KHDRBS2: variants seen among roughly 807,000 people sequenced by gnomAD.
KHDRBS2 encodes KH RNA binding domain containing, signal transduction associated 2.
In KHDRBS2, 26 loss-of-function variants were observed where a neutral mutation model predicts 44.3. The ratio of observed to expected loss-of-function variants is 0.59; its 90% CI spans 0.43 to 0.81. The LOEUF is 0.81. KHDRBS2 is among the 40% of genes least tolerant of loss of function. The probability of loss-of-function intolerance (pLI) is 0.00; values close to 1 mark genes in which losing one functional copy is unlikely to be tolerated. For synonymous variants in KHDRBS2, 194 were observed against 151.1 expected (o/e 1.28, Z -2.08); for missense variants, 476 against 433.1 (o/e 1.10, Z -0.88).
intron 8 of KHDRBS2, among the ~76,000 whole-genome samples, chr6:61,695,747 G>A (rs183505973): frequency 7.9e-5 from 12 of 152,186 alleles, no homozygotes; most frequent in Admixed American, 5.2e-4. Context: ...AGCAATAATT[G>A]TGGTGGTGGC....
At chr6:62,120,172 C>G (rs1807273363) in intron 2 of KHDRBS2, among the ~76,000 whole-genome samples, 1 of 152,024 alleles carries the variant, frequency 6.6e-6, no homozygotes, top group Admixed American at 6.6e-5. Flanking sequence ...GCTTGGTTAG[C>G]TGAAATAGGA....
chr6:61,793,923 A>C (rs1784971544), intron 6 of KHDRBS2, among the ~76,000 whole-genome samples: 1 of 152,156 alleles, frequency 6.6e-6, no homozygotes, highest in Non-Finnish European at 1.5e-5. Context: ...TATGATAAGA[A>C]CAGTTCAGAT....
intron 1 of KHDRBS2, among the ~76,000 whole-genome samples, chr6:62,182,991 A>G (rs1028404461): frequency 6.6e-6 from 1 of 151,832 alleles, no homozygotes; most frequent in Non-Finnish European, 1.5e-5. Flanking sequence ...TCCTGCAACA[A>G]AATTCATACT....
chr6:62,244,500 T>C (rs143805017), intron 1 of KHDRBS2, among the ~76,000 whole-genome samples: 225 of 152,242 alleles, frequency 1.5e-3, no homozygotes, highest in African/African-American at 5.3e-3. Context: ...AGAAAGCACA[T>C]GGCTATTGTC....
chr6:61,670,439 A>G, the KHDRBS2 span, among the ~76,000 whole-genome samples: 4 of 151,468 alleles, frequency 2.6e-5, no homozygotes, highest in African/African-American at 9.7e-5. Flanking sequence ...ATAAATTCTA[A>G]ATAATTATTT....
intron 6 of KHDRBS2, among the ~76,000 whole-genome samples, chr6:61,889,608 G>A (rs114342606): frequency 6.8e-6 from 1 of 146,962 alleles, no homozygotes; most frequent in South Asian, 2.4e-4. Context: ...GGGTGGGTGG[G>A]GGGGCAATGC....
At chr6:61,726,797 C>T (rs570552057) in intron 7 of KHDRBS2, among the ~76,000 whole-genome samples, 1 of 152,218 alleles carries the variant, frequency 6.6e-6, no homozygotes, top group African/African-American at 2.4e-5. Flanking sequence ...GAAAAACATT[C>T]CATGCTTATG....
At chr6:61,749,557 C>T (rs1777363512) in intron 6 of KHDRBS2, among the ~76,000 whole-genome samples, 2 of 152,092 alleles carry the variant, frequency 1.3e-5, no homozygotes, top group South Asian at 4.2e-4. Flanking sequence ...TTCATCTTTT[C>T]CTGTCCTGTT....
intron 6 of KHDRBS2, among the ~76,000 whole-genome samples, chr6:61,736,251 C>A (rs1775344882): frequency 1.3e-5 from 2 of 150,226 alleles, no homozygotes; most frequent in African/African-American, 2.5e-5. Context: ...CACACACTAA[C>A]AACTGTTAGG....
chr6:62,128,772 A>T (rs2099859722), intron 2 of KHDRBS2, among the ~76,000 whole-genome samples: 1 of 152,020 alleles, frequency 6.6e-6, no homozygotes, highest in Non-Finnish European at 1.5e-5. Flanking sequence ...CTTCTTCCAG[A>T]TGTAAACAAT....
chr6:61,881,768 G>A (rs1271043186), intron 6 of KHDRBS2, among the ~76,000 whole-genome samples: 1 of 151,982 alleles, frequency 6.6e-6, no homozygotes, highest in Non-Finnish European at 1.5e-5. Flanking sequence ...AATATTAATA[G>A]TCAGTATGGC....
At chr6:61,937,006 T>C (rs1417737341) in intron 4 of KHDRBS2, among the ~76,000 whole-genome samples, 1 of 152,000 alleles carries the variant, frequency 6.6e-6, no homozygotes, top group Non-Finnish European at 1.5e-5. Flanking sequence ...TAAAATATGT[T>C]TTCAAACAAT....
intron 2 of KHDRBS2, among the ~76,000 whole-genome samples, chr6:62,098,833 A>G (rs918471722): frequency 6.6e-6 from 1 of 151,988 alleles, no homozygotes; most frequent in Non-Finnish European, 1.5e-5. Flanking sequence ...TCATTCCTTT[A>G]TATTATTTTT....
At chr6:61,753,386 G>T (rs548726920) in intron 6 of KHDRBS2, among the ~76,000 whole-genome samples, 1 of 152,198 alleles carries the variant, frequency 6.6e-6, no homozygotes, top group South Asian at 2.1e-4. Flanking sequence ...GACCGGTGGT[G>T]GTACCCCCAC....
intron 7 of KHDRBS2, among the ~76,000 whole-genome samples, chr6:61,697,727 A>C (rs924581257): frequency 6.6e-6 from 1 of 152,010 alleles, no homozygotes; most frequent in Non-Finnish European, 1.5e-5. Flanking sequence ...CAAATATATA[A>C]GCTATTTTGT....
chr6:62,069,433 C>T (rs1278686660), intron 2 of KHDRBS2, among the ~76,000 whole-genome samples: 2 of 151,748 alleles, frequency 1.3e-5, no homozygotes, highest in African/African-American at 4.8e-5. Context: ...CCTCAATCTA[C>T]AGTACATATC....
intron 6 of KHDRBS2, among the ~76,000 whole-genome samples, chr6:61,733,623 G>T (rs924659240): frequency 2.6e-5 from 4 of 151,640 alleles, no homozygotes; most frequent in Non-Finnish European, 5.9e-5. Flanking sequence ...AAAAGACTTT[G>T]TGTACATTAT....
At chr6:62,109,364 T>A (rs1359271695) in intron 2 of KHDRBS2, among the ~76,000 whole-genome samples, 1 of 151,862 alleles carries the variant, frequency 6.6e-6, no homozygotes, top group Non-Finnish European at 1.5e-5. Context: ...TTCAAGAGCA[T>A]CTTCAAAAAT....
At chr6:62,246,725 T>A (rs996431384) in intron 1 of KHDRBS2, among the ~76,000 whole-genome samples, 5 of 152,164 alleles carry the variant, frequency 3.3e-5, no homozygotes, top group African/African-American at 1.2e-4. Context: ...TAGTGATTTC[T>A]GATATTAAGA....
Sources: gnomAD v4.1 joint callset for allele counts (sites outside exome capture counted in the v4.1 genomes callset) on GRCh38, gnomAD v4.1.1 for gene constraint, MANE v1.5 for transcripts, NCBI Gene and HGNC (gene_info 2026-07-23, HGNC 2026-07-21) for gene names.